Variants in SPAG16 observed in about 807,000 individuals in gnomAD.
The protein encoded by SPAG16 is sperm-associated antigen 16 protein.
Under a neutral mutation model 80.4 loss-of-function variants are expected in SPAG16, and 86 were observed. That is an observed-to-expected ratio of 1.07 (90% CI 0.90 to 1.28). The LOEUF (loss-of-function observed/expected upper bound fraction) is 1.28, where lower values mean the gene tolerates loss of function less well. SPAG16 is among the 50% of genes most tolerant of loss of function. SPAG16 has a pLI of 0.00. For missense variants in SPAG16, 870 were observed against 765.3 expected, an observed-to-expected ratio of 1.14 and a Z score of -1.61; for synonymous variants, 294 against 265.9, an observed-to-expected ratio of 1.11 and a Z score of -1.03.
rs139506067 is a variant in SPAG16, at chr2:213,645,049, A to G, written c.1070+154959A>G. On this transcript the variant is annotated intron_variant, in intron 10 of 15. Transcript: ENST00000331683. ...GCCTGGTATTGTATTCGGCTGAGCT[A>G]GCTCTCAAATCACTTGATGCAGTTC... Among the ~76,000 whole-genome samples, 1,181 of 152,294 alleles carry G rather than the reference A, an allele frequency of 7.8e-3. 16 individuals carry two copies. The highest frequency in any genetic ancestry group is 0.027 in the African/African-American group (1,133 of 41,566).
At chr2:214,075,833 T>G (rs1194480127) in intron 13 of SPAG16, among the ~76,000 whole-genome samples, 1 of 152,148 alleles carries the variant, frequency 6.6e-6, no homozygotes, top group African/African-American at 2.4e-5. Flanking sequence ...ATATCTAAAG[T>G]AAGGATGAAC....
At chr2:213,965,768 A>G (rs1209941561) in intron 12 of SPAG16, among the ~76,000 whole-genome samples, 3 of 152,172 alleles carry the variant, frequency 2.0e-5, no homozygotes, top group African/African-American at 4.8e-5. Context: ...CTCCTTGGGG[A>G]CAGCTACAAA....
chr2:213,513,246 G>T (rs1202333083), intron 10 of SPAG16, among the ~76,000 whole-genome samples: 2 of 152,070 alleles, frequency 1.3e-5, no homozygotes. Context: ...TATTTTCAAA[G>T]GCTCATTCCA....
intron 10 of SPAG16, among the ~76,000 whole-genome samples, chr2:213,581,946 A>C (rs533433704): frequency 2.6e-5 from 4 of 152,228 alleles, no homozygotes; most frequent in Admixed American, 2.0e-4. Flanking sequence ...CCATTTTCAG[A>C]TGGTTCCTCT....
intron 14 of SPAG16, among the ~76,000 whole-genome samples, chr2:214,145,830 C>T (rs939217907): frequency 6.6e-6 from 1 of 152,168 alleles, no homozygotes; most frequent in South Asian, 2.1e-4. Context: ...ACGTTGATTA[C>T]TCTTCATTCC....
chr2:213,679,920 G>A (rs961150859), intron 10 of SPAG16, among the ~76,000 whole-genome samples: 1 of 152,102 alleles, frequency 6.6e-6, no homozygotes, highest in Non-Finnish European at 1.5e-5. Flanking sequence ...ATTTGGTGAG[G>A]GAGGGATTCT....
chr2:214,297,302 T>G (rs1442868651), intron 15 of SPAG16, among the ~76,000 whole-genome samples: 1 of 152,182 alleles, frequency 6.6e-6, no homozygotes, highest in Non-Finnish European at 1.5e-5. Flanking sequence ...ATGCAGAAGC[T>G]TTTTGGTTTA....
Position 213,987,811 on chromosome 2 carries a change from A to T in SPAG16, c.1401-26140A>T, listed in dbSNP as rs552963213. The stretch of plus-strand genomic sequence containing the variant: ...AAAACTATATAATTATAAAATATAA[A>T]ATATATATATACATATTTATATTAT... On this transcript the variant is annotated intron_variant, in intron 12 of 15. Coordinates refer to ENST00000331683, the MANE Select transcript of SPAG16 (RefSeq NM_024532.5). 8.1e-5 allele frequency among the ~76,000 whole-genome samples: 12 copies of T among 147,776 alleles called. No individual in the cohort carries two copies. The South Asian group carries it at 1.5e-3, about 18-fold the overall frequency.
chr2:213,647,796 C>T (rs2062872997), intron 10 of SPAG16, among the ~76,000 whole-genome samples: 1 of 152,176 alleles, frequency 6.6e-6, no homozygotes, highest in Admixed American at 6.5e-5. Flanking sequence ...GCCCCAGGCA[C>T]TGTCTTCTCT....
intron 10 of SPAG16, among the ~76,000 whole-genome samples, chr2:213,791,617 G>T (rs563196036): frequency 6.6e-6 from 1 of 152,202 alleles, no homozygotes; most frequent in Non-Finnish European, 1.5e-5. Flanking sequence ...AGAAATGTGT[G>T]CATTCTAATC....
intron 13 of SPAG16, among the ~76,000 whole-genome samples, chr2:214,075,347 T>C (rs978577379): frequency 6.6e-6 from 1 of 152,092 alleles, no homozygotes; most frequent in Non-Finnish European, 1.5e-5. Context: ...ACATTAATTA[T>C]GTACAATAGT....
intron 15 of SPAG16, among the ~76,000 whole-genome samples, chr2:214,325,794 C>T (rs1428339786): frequency 6.6e-6 from 1 of 151,598 alleles, no homozygotes; most frequent in African/African-American, 2.4e-5. Flanking sequence ...TACTTTTTCA[C>T]TGGTTAGCAT....
At chr2:214,041,027 T>C (rs1318599022) in intron 13 of SPAG16, among the ~76,000 whole-genome samples, 4 of 152,064 alleles carry the variant, frequency 2.6e-5, no homozygotes, top group Non-Finnish European at 5.9e-5. Context: ...TTTCTGAGCC[T>C]TTTTGTTTAT....
chr2:213,741,933 T>C (rs992167748), intron 10 of SPAG16, among the ~76,000 whole-genome samples: 3 of 152,130 alleles, frequency 2.0e-5, no homozygotes, highest in African/African-American at 7.2e-5. Context: ...ATGTGCATGG[T>C]TATTATTTTT....
intron 15 of SPAG16, among the ~76,000 whole-genome samples, chr2:214,280,403 A>G (rs961725048): frequency 1.3e-5 from 2 of 152,214 alleles, no homozygotes; most frequent in African/African-American, 4.8e-5. Flanking sequence ...AAAAAAATAT[A>G]GAATCACTAT....
At chr2:213,367,066 C>A (rs2066338664) in intron 8 of SPAG16, among the ~76,000 whole-genome samples, 1 of 152,092 alleles carries the variant, frequency 6.6e-6, no homozygotes, top group Non-Finnish European at 1.5e-5. Flanking sequence ...AGATAGTTGG[C>A]TGAGAACGAT....
intron 11 of SPAG16, among the ~76,000 whole-genome samples, chr2:213,913,484 G>T (rs1261549553): frequency 8.4e-6 from 1 of 118,418 alleles, no homozygotes; most frequent in Non-Finnish European, 2.2e-5. Flanking sequence ...ATATGTGTGT[G>T]TGTGTCTGTG....
At chr2:213,726,494 C>T (rs1482815655) in intron 10 of SPAG16, among the ~76,000 whole-genome samples, 1 of 152,172 alleles carries the variant, frequency 6.6e-6, no homozygotes, top group African/African-American at 2.4e-5. Context: ...AGTTGCCAAA[C>T]CTTGCTTTGA....
chr2:213,621,259 G>A (rs2061772686), intron 10 of SPAG16, among the ~76,000 whole-genome samples: 1 of 152,148 alleles, frequency 6.6e-6, no homozygotes, highest in Non-Finnish European at 1.5e-5. Context: ...GACTGTGGTT[G>A]ATCATGGTTT....
Sources: gnomAD v4.1 joint callset for allele counts (sites outside exome capture counted in the v4.1 genomes callset) on GRCh38, gnomAD v4.1.1 for gene constraint, MANE v1.5 for transcripts, NCBI Gene and HGNC (gene_info 2026-07-23, HGNC 2026-07-21) for gene names.